The following KLHL13 variants were observed in gnomAD, a reference collection of about 807,000 sequenced individuals.
KLHL13 encodes kelch like family member 13.
Under a neutral mutation model 37.1 loss-of-function variants are expected in KLHL13, and 10 were observed. The observed-to-expected ratio is 0.27, with a 90% CI of 0.17 to 0.46. The LOEUF (loss-of-function observed/expected upper bound fraction) is 0.46. Ranked by LOEUF, KLHL13 falls within the 20% of genes least tolerant of loss-of-function variation. The pLI is 1.00. For synonymous variants in KLHL13, 163 were observed against 181.2 expected (o/e 0.90, Z 0.81); for missense variants, 360 against 509.3 (o/e 0.71, Z 2.82).
At chrX:117,920,431 G>A in intron 2 of KLHL13, 61 bp from the exon 4 acceptor site, 2 of 1,103,850 alleles carry the variant, frequency 1.8e-6, no homozygotes, top group Non-Finnish European at 2.5e-6. Context: ...AAATCTTCGT[G>A]TGCTAAAATT....
chrX:117,905,645 T>C (rs1930464914), intron 5 of KLHL13, among the ~76,000 whole-genome samples: 1 of 109,695 alleles, frequency 9.1e-6, no homozygotes, highest in African/African-American at 3.3e-5. Flanking sequence ...TTGCAAATGT[T>C]GCCACTGTTT....
chrX:117,906,188 C>T lies in KLHL13; in HGVS notation c.1366+3113G>A, dbSNP rs750718711. On this transcript the variant is annotated intron_variant, in intron 5 of 6. Transcript: ENST00000262820. ...AAGGAGGAATTCTATTTTTAAAAAG[C>T]GCTTGTAGGGTAGGGGAAATGTTAA... is the stretch of plus-strand genomic sequence containing the variant. Among the ~76,000 whole-genome samples the T allele has an allele frequency of 3.6e-5, 4 of 111,202 alleles. No homozygotes were observed. In the South Asian group the frequency reaches 1.1e-3, roughly 31 times the overall value.
At chrX:118,033,446 A>C (rs2054387797) in intron 1 of KLHL13, among the ~76,000 whole-genome samples, 1 of 111,402 alleles carries the variant, frequency 9.0e-6, no homozygotes, top group South Asian at 3.8e-4. Context: ...CGACATTCTT[A>C]AAGAAAAGAA....
intron 1 of KLHL13, among the ~76,000 whole-genome samples, chrX:118,061,308 G>A (rs1337997888): frequency 9.0e-6 from 1 of 111,323 alleles, no homozygotes; most frequent in Non-Finnish European, 1.9e-5. Flanking sequence ...GAAACCACGA[G>A]CATTTGGTGG....
chrX:118,093,119 G>A (rs1369639212), intron 1 of KLHL13, among the ~76,000 whole-genome samples: 1 of 110,804 alleles, frequency 9.0e-6, no homozygotes, highest in East Asian at 2.8e-4. Flanking sequence ...TGCTAAAAGT[G>A]CCTCCACTAG....
intron 1 of KLHL13, among the ~76,000 whole-genome samples, chrX:118,020,703 T>A (rs1482504167): frequency 4.5e-5 from 5 of 110,377 alleles, no homozygotes; most frequent in Non-Finnish European, 9.5e-5. Context: ...GTATGTTTAT[T>A]GCGGCACTAC....
rs185420269 is a variant in KLHL13, at chrX:117,901,222, G to A, written c.1480+611C>T. ...GTTTTATGCATAGGAGAACTTATAT[G>A]TTATATAATGATACACTCCTTCACA... On this transcript the variant is annotated intron_variant, in intron 6 of 6. Transcript: ENST00000262820. Among the ~76,000 whole-genome samples, 350 of 111,456 alleles carry A rather than the reference G, an allele frequency of 3.1e-3. 1 individual carries two copies. Among genetic ancestry groups the A allele is most frequent in the Middle Eastern group, 0.014 (3 of 215 alleles).
At chrX:118,108,026 G>A (rs1358682478) in intron 1 of KLHL13, among the ~76,000 whole-genome samples, 2 of 112,098 alleles carry the variant, frequency 1.8e-5, no homozygotes, top group Non-Finnish European at 3.8e-5. Context: ...CTGCACTCCA[G>A]CCTGAGTGAC....
intron 1 of KLHL13, among the ~76,000 whole-genome samples, chrX:118,002,227 A>C (rs1469015154): frequency 9.0e-6 from 1 of 111,468 alleles, no homozygotes; most frequent in Non-Finnish European, 1.9e-5. Flanking sequence ...CACGGACTTC[A>C]TGGTTTGGTC....
chrX:117,897,837 A>C (rs1373589310), exon 7 of KLHL13: 3 of 112,079 alleles, frequency 2.7e-5, no homozygotes, highest in African/African-American at 9.7e-5. Flanking sequence ...TTTATTGAAC[A>C]AAAAAAGATA....
At chrX:117,898,924 G>C in exon 7 of KLHL13, 1 of 1,205,227 alleles carries the variant, frequency 8.3e-7, no homozygotes, top group Non-Finnish European at 1.1e-6. Flanking sequence ...TGCAGAAAGA[G>C]GGGACTCTCT....
chrX:117,939,573 C>T (rs903458439), intron 2 of KLHL13, among the ~76,000 whole-genome samples: 3 of 112,172 alleles, frequency 2.7e-5, no homozygotes, highest in South Asian at 3.8e-4. Flanking sequence ...AAACGTGTTC[C>T]TATTTCTCCA....
At chrX:117,957,842 T>C (rs1168470946) in intron 1 of KLHL13, among the ~76,000 whole-genome samples, 2 of 111,919 alleles carry the variant, frequency 1.8e-5, no homozygotes, top group African/African-American at 6.5e-5. Context: ...ATATCTCAAA[T>C]AGTTTTCTCC....
intron 1 of KLHL13, among the ~76,000 whole-genome samples, chrX:118,017,120 C>G (rs2054135563): frequency 9.0e-6 from 1 of 111,379 alleles, no homozygotes; most frequent in African/African-American, 3.3e-5. Flanking sequence ...GATCACATCA[C>G]TCTTCTGTTT....
chrX:117,908,730 A>G (rs141281834), intron 5 of KLHL13, among the ~76,000 whole-genome samples: 1,125 of 112,095 alleles, frequency 0.01, 19 homozygotes, highest in African/African-American at 0.034. Flanking sequence ...AAAGAAAACT[A>G]TCTGATATTA....
chrX:118,022,378 T>C (rs1298996261), intron 1 of KLHL13, among the ~76,000 whole-genome samples: 1 of 111,995 alleles, frequency 8.9e-6, no homozygotes, highest in Non-Finnish European at 1.9e-5. Flanking sequence ...CTGGGTCATA[T>C]GGTAGTTCTG....
chrX:117,919,417 T>C, intron 4 of KLHL13, 104 bp downstream of exon 5: 2 of 627,946 alleles, frequency 3.2e-6, no homozygotes, highest in Non-Finnish European at 2.6e-6. Context: ...AAGACACATC[T>C]GTCTAATGGC....
chrX:118,007,790 T>A (rs1269072915), intron 1 of KLHL13, among the ~76,000 whole-genome samples: 1 of 111,671 alleles, frequency 9.0e-6, no homozygotes. Flanking sequence ...TAAGGACTCT[T>A]AGAAGAGAAT....
intron 1 of KLHL13, among the ~76,000 whole-genome samples, chrX:117,964,509 T>C (rs965272282): frequency 4.5e-5 from 5 of 112,122 alleles, no homozygotes; most frequent in African/African-American, 9.7e-5. Context: ...CTCAGCAGAG[T>C]TATGCCTGGC....
Sources: gnomAD v4.1 joint callset for allele counts (sites outside exome capture counted in the v4.1 genomes callset) on GRCh38, gnomAD v4.1.1 for gene constraint, MANE v1.5 for transcripts, NCBI Gene and HGNC (gene_info 2026-07-23, HGNC 2026-07-21) for gene names.